Variants in ITGAE observed in about 807,000 individuals in gnomAD.
ITGAE encodes integrin subunit alpha E, also known as integrin alpha-E.
In ITGAE, 99 loss-of-function variants were observed where a neutral mutation model predicts 136.5. The observed-to-expected ratio is 0.73, with a 90% CI of 0.62 to 0.86. The LOEUF is 0.86. Among genes scored for constraint, ITGAE ranks in the 40% least tolerant of loss-of-function variants. ITGAE has a pLI of 0.00. For synonymous variants in ITGAE, 613 were observed against 591.8 expected, an observed-to-expected ratio of 1.04 and a Z score of -0.52; for missense variants, 1,447 against 1,515.3, an observed-to-expected ratio of 0.95 and a Z score of 0.75.
intron 2 of ITGAE, among the ~76,000 whole-genome samples, chr17:3,764,242 T>C (rs905451396): frequency 2.0e-5 from 3 of 152,150 alleles, no homozygotes; most frequent in African/African-American, 4.8e-5. Flanking sequence ...TGCTCTCTTA[T>C]GGGGACAGGG....
rs1159149565 is a variant in ITGAE at position 3,720,329 on chromosome 17, T to C, written c.3311A>G (p.Asn1104Ser). Residue 1104 changes from asparagine (N) to serine (S), a missense_variant, in exon 29 of 31, where the codon AAT (asparagine) becomes AGT (serine). By Grantham distance (46) the Asn-to-Ser change is conservative. Coordinates refer to ENST00000263087, the MANE Select transcript of ITGAE (RefSeq NM_002208.5). ...TACCTTAGTTCTGTGGTTCTCTGCA[T>C]TCAGTCCCTCATATAGAGATTTGTT... is the stretch of plus-strand genomic sequence containing the variant. ...SFNKSLYEGLNAENHRTKITV... is the reference protein window; with the variant it reads ...SFNKSLYEGLSAENHRTKITV... The C allele has an allele frequency of 6.3e-7, 1 of 1,583,580 alleles. No homozygotes were observed. The highest frequency in any genetic ancestry group is 1.1e-5 in the South Asian group (1 of 90,362).
intron 8 of ITGAE, among the ~76,000 whole-genome samples, chr17:3,758,843 A>T (rs978544524): frequency 6.6e-6 from 1 of 151,118 alleles, no homozygotes; most frequent in Non-Finnish European, 1.5e-5. Context: ...ACCAGAGCTG[A>T]GGCCGGGCGC....
chr17:3,796,108 C>CGTGT (rs752191985), intron 1 of ITGAE, among the ~76,000 whole-genome samples: 8 of 25,042 alleles, frequency 3.2e-4, no homozygotes, highest in South Asian at 7.0e-4. Context: ...TGTGTGCATC[C>CGTGT]CTGTGTGCAT....
In ITGAE at chr17:3,735,856, G is replaced by A. The variant is rs558200175; in HGVS notation, c.2523-907C>T. Among the ~76,000 whole-genome samples, 178 of 152,210 alleles carry A rather than the reference G, an allele frequency of 1.2e-3. 3 individuals carry two copies. Among genetic ancestry groups the A allele is most frequent in the African/African-American group, 3.9e-3 (164 of 41,546 alleles). ...AGCTACTCTCCATTTTATAGAAGAGGAAACAGAAGCCAAGACAGGCTAATT... is the reference window on the plus strand; with the variant it reads ...AGCTACTCTCCATTTTATAGAAGAGAAAACAGAAGCCAAGACAGGCTAATT... On this transcript the variant is annotated intron_variant, in intron 20 of 30. Coordinates refer to ENST00000263087, the MANE Select transcript of ITGAE (RefSeq NM_002208.5).
At chr17:3,756,867 C>CTGAG in intron 10 of ITGAE, 117 bp downstream of exon 10, 1 of 1,116,812 alleles carries the variant, frequency 9.0e-7, no homozygotes, top group Non-Finnish European at 1.3e-6. Flanking sequence ...CATGGAAGAG[C>CTGAG]TGAGGTTCAG....
Position 3,743,684 on chromosome 17 carries a change from T to TTC in ITGAE, c.2320-68_2320-67insGA, listed in dbSNP as rs2051641035. ...GGGGAGAAGATGACAACAATAATGC[T>TTC]TTTTTTCTTTTTCTTTTTTTCTTTT... On this transcript the variant is annotated intron_variant, in intron 18 of 30. Coordinates refer to ENST00000263087, the MANE Select transcript of ITGAE (RefSeq NM_002208.5). 2.3e-6 allele frequency: 3 copies of TTC among 1,326,740 alleles called. No homozygotes were observed. In the African/African-American group the frequency reaches 1.1e-4, roughly 50 times the overall value. 82.2% of individuals were successfully genotyped at this position (1,326,740 alleles called of 1,614,324 possible).
At chr17:3,732,342 G>A (rs1168038697) in intron 22 of ITGAE, 26 bp downstream of exon 22, 1 of 1,543,524 alleles carries the variant, frequency 6.5e-7, no homozygotes, top group African/African-American at 1.4e-5. Context: ...GTGGTGAGAA[G>A]AGCGAATCAG....
chr17:3,768,184 G>T (rs2052342307), intron 2 of ITGAE, among the ~76,000 whole-genome samples: 1 of 151,814 alleles, frequency 6.6e-6, no homozygotes, highest in East Asian at 1.9e-4. Context: ...AAGTACAGTG[G>T]CATGATCACG....
At chr17:3,725,600 C>G in intron 26 of ITGAE, 1 of 1,614,082 alleles carries the variant, frequency 6.2e-7, no homozygotes, top group Non-Finnish European at 8.5e-7. Context: ...GCACAGAAGG[C>G]TTTATCGGGC....
chr17:3,759,385 G>A lies in ITGAE; in HGVS notation c.866+17C>T, dbSNP rs2052109871. On this transcript the variant is annotated intron_variant, in intron 8 of 30. Coordinates refer to ENST00000263087, the MANE Select transcript of ITGAE (RefSeq NM_002208.5). The stretch of plus-strand genomic sequence containing the variant: ...TCTGGGCATGGCCAGAATAATTCCT[G>A]CAGCCCCCACACTCACAAGACGTGT... The A allele has an allele frequency of 6.2e-7, 1 of 1,608,644 alleles. No individual in the cohort carries two copies. Among genetic ancestry groups the A allele is most frequent in the Non-Finnish European group, 8.5e-7 (1 of 1,175,600 alleles).
intron 1 of ITGAE, among the ~76,000 whole-genome samples, chr17:3,797,609 C>T (rs1752535344): frequency 6.6e-6 from 1 of 151,922 alleles, no homozygotes; most frequent in Non-Finnish European, 1.5e-5. Flanking sequence ...TACAGGTGCG[C>T]ACCACCATGC....
intron 8 of ITGAE, 50 bp from the exon 9 acceptor site, chr17:3,757,909 C>G: frequency 6.3e-7 from 1 of 1,599,460 alleles, no homozygotes. Context: ...GAAGGATGAC[C>G]GAGCTCCAGG....
chr17:3,790,627 C>T (rs1280755166), intron 1 of ITGAE, among the ~76,000 whole-genome samples: 1 of 152,118 alleles, frequency 6.6e-6, no homozygotes, highest in Non-Finnish European at 1.5e-5. Context: ...TGACGTTAAA[C>T]TTCCAGTTTT....
intron 19 of ITGAE, among the ~76,000 whole-genome samples, chr17:3,740,524 G>C (rs1350423279): frequency 6.6e-6 from 1 of 152,178 alleles, no homozygotes; most frequent in Non-Finnish European, 1.5e-5. Flanking sequence ...TTACAGGCAT[G>C]TGCCACCACG....
chr17:3,737,982 G>A (rs1019350266), intron 20 of ITGAE, among the ~76,000 whole-genome samples: 4 of 152,204 alleles, frequency 2.6e-5, no homozygotes, highest in Non-Finnish European at 1.5e-5. Context: ...AGCTGTGCCT[G>A]CTTGTTAGCC....
intron 2 of ITGAE, among the ~76,000 whole-genome samples, chr17:3,765,571 C>A (rs1187458992): frequency 1.3e-5 from 2 of 151,994 alleles, no homozygotes; most frequent in Non-Finnish European, 2.9e-5. Flanking sequence ...CACAACTGAA[C>A]CCACCCCAAG....
intron 2 of ITGAE, among the ~76,000 whole-genome samples, chr17:3,765,545 C>T (rs1255230369): frequency 1.3e-5 from 2 of 151,932 alleles, no homozygotes; most frequent in Middle Eastern, 3.2e-3. Context: ...TGCACCTGTG[C>T]GTCCATCCGC....
At chr17:3,726,293 TGC>T in intron 26 of ITGAE, 1 of 1,613,966 alleles carries the variant, frequency 6.2e-7, no homozygotes, top group Non-Finnish European at 8.5e-7. Context: ...ACTTCAGCTC[TGC>T]CACTGACTTG....
At chr17:3,750,212 C>T (rs539994973) in intron 16 of ITGAE, 140 bp downstream of exon 16, 33 of 1,220,092 alleles carry the variant, frequency 2.7e-5, no homozygotes, top group Middle Eastern at 2.6e-4. Flanking sequence ...CAAACCCAGA[C>T]GGGCAGACTC....
Sources: allele counts gnomAD v4.1 joint callset (sites outside exome capture counted in the v4.1 genomes callset), GRCh38; gene constraint gnomAD v4.1.1; transcripts MANE v1.5; gene names NCBI Gene and HGNC (gene_info 2026-07-23, HGNC 2026-07-21).